Variants in INPP4B observed in about 807,000 individuals in gnomAD.
INPP4B encodes the protein inositol polyphosphate 4-phosphatase type II.
A neutral mutation model predicts 122.5 loss-of-function variants in INPP4B; 55 were observed. The observed-to-expected ratio is 0.45, with a 90% CI of 0.36 to 0.56. The LOEUF (loss-of-function observed/expected upper bound fraction) is 0.56. Among genes scored for constraint, INPP4B ranks in the 20% least tolerant of loss-of-function variants. The probability of loss-of-function intolerance (pLI) is 0.00; values close to 1 mark genes in which losing one functional copy is unlikely to be tolerated. For synonymous variants in INPP4B, 403 were observed against 388.7 expected, an observed-to-expected ratio of 1.04 and a Z score of -0.43; for missense variants, 1,000 against 1,097.7, an observed-to-expected ratio of 0.91 and a Z score of 1.26.
intron 7 of INPP4B, among the ~76,000 whole-genome samples, chr4:142,372,817 C>T (rs2148724089): frequency 6.6e-6 from 1 of 152,116 alleles, no homozygotes; most frequent in East Asian, 1.9e-4. Context: ...GCTCAGTCTT[C>T]TAGTACTGGA....
intron 7 of INPP4B, among the ~76,000 whole-genome samples, chr4:142,333,135 T>C (rs900819848): frequency 7.9e-5 from 12 of 151,602 alleles, no homozygotes; most frequent in African/African-American, 2.9e-4. Flanking sequence ...CGATCACAGG[T>C]GCTGAGCAGG....
At chr4:142,363,830 T>C (rs570341944) in intron 7 of INPP4B, among the ~76,000 whole-genome samples, 1 of 152,000 alleles carries the variant, frequency 6.6e-6, no homozygotes, top group South Asian at 2.1e-4. Flanking sequence ...GAAAGATAAG[T>C]AGGGGAAGGT....
chr4:142,157,905 A>C (rs967340341), intron 17 of INPP4B, among the ~76,000 whole-genome samples: 1 of 151,870 alleles, frequency 6.6e-6, no homozygotes. Flanking sequence ...GTTCTACTTT[A>C]TGGATAAAAG....
chr4:142,259,770 T>C lies in INPP4B; in HGVS notation c.688+722A>G, dbSNP rs201628280. 1.3e-4 allele frequency among the ~76,000 whole-genome samples: 20 copies of C among 152,200 alleles called. No individual in the cohort carries two copies. In the East Asian group the frequency reaches 3.9e-3, roughly 29 times the overall value. Reference sequence around the variant, plus strand: ...TTATTCTATAACTTTTTCTTATTTTTACTTTTTAAATTTTCTTTTTTTTTA... The same window carrying C: ...TTATTCTATAACTTTTTCTTATTTTCACTTTTTAAATTTTCTTTTTTTTTA... On this transcript the variant is annotated intron_variant, in intron 11 of 25. Coordinates refer to ENST00000262992, the MANE Select transcript of INPP4B (RefSeq NM_001101669.3).
chr4:142,108,388 A>G (rs1788247053), intron 22 of INPP4B, among the ~76,000 whole-genome samples, 198 bp from the exon 23 acceptor site: 1 of 143,172 alleles, frequency 7.0e-6, no homozygotes, highest in Non-Finnish European at 1.6e-5. Flanking sequence ...AATCGCTTCT[A>G]ACACCTCAAA....
rs77557602 is a variant in INPP4B at position 142,579,887 on chromosome 4, A to G, written c.-190-117161T>C. Among the ~76,000 whole-genome samples, 777 of 115,612 alleles carry G rather than the reference A, an allele frequency of 6.7e-3. 4 individuals are homozygous for G. Among genetic ancestry groups the G allele is most frequent in the South Asian group, 0.022 (77 of 3,506 alleles). The allele number at this position is 115,612 out of a possible 152,430, so 75.8% of individuals were successfully genotyped here. ...GATAGATAGATAGGTAGGTAGATAG[A>G]TAGATAGATAGATAGATAGATAGAT... On this transcript the variant is annotated intron_variant, in intron 2 of 25. Transcript: ENST00000262992.
intron 12 of INPP4B, among the ~76,000 whole-genome samples, chr4:142,236,035 C>A (rs1856566836): frequency 6.6e-6 from 1 of 152,154 alleles, no homozygotes; most frequent in Non-Finnish European, 1.5e-5. Context: ...AGGGTAAGCC[C>A]TAGTCCTAAA....
rs1309043820 is a variant in INPP4B at position 142,625,911 on chromosome 4, G to T, written c.-191+99928C>A. Among the ~76,000 whole-genome samples the T allele has an allele frequency of 6.6e-5, 10 of 152,270 alleles. No individual in the cohort carries two copies. The East Asian group carries it at 1.2e-3, about 18-fold the overall frequency. On this transcript the variant is annotated intron_variant, in intron 2 of 25. Coordinates refer to ENST00000262992, the MANE Select transcript of INPP4B (RefSeq NM_001101669.3). ...GATTCCCTACTTAATAAATGGTGCT[G>T]GGAGAACTGGCTAGCCATATGTAGA...
At chr4:142,059,539 AC>A (rs1759506493) in intron 25 of INPP4B, among the ~76,000 whole-genome samples, 1 of 152,178 alleles carries the variant, frequency 6.6e-6, no homozygotes, top group African/African-American at 2.4e-5. Context: ...AATGCAAAGC[AC>A]TGTGCTTGGT....
chr4:142,150,491 T>C (rs947474131), intron 17 of INPP4B, among the ~76,000 whole-genome samples: 3 of 152,198 alleles, frequency 2.0e-5, no homozygotes, highest in African/African-American at 7.2e-5. Flanking sequence ...CTTTATTCAA[T>C]GGAGCCAAAT....
chr4:142,610,192 T>A (rs1742175402), intron 2 of INPP4B, among the ~76,000 whole-genome samples: 1 of 152,092 alleles, frequency 6.6e-6, no homozygotes, highest in Non-Finnish European at 1.5e-5. Flanking sequence ...TCTCACGAGA[T>A]CTAATGGTTT....
chr4:142,666,313 A>C (rs903019454), intron 2 of INPP4B, among the ~76,000 whole-genome samples: 12 of 152,146 alleles, frequency 7.9e-5, no homozygotes, highest in African/African-American at 2.2e-4. Flanking sequence ...TTCATTTCAT[A>C]AAGTTTTAAA....
chr4:142,200,223 C>A (rs558778764), intron 14 of INPP4B, among the ~76,000 whole-genome samples: 1 of 151,798 alleles, frequency 6.6e-6, no homozygotes, highest in East Asian at 1.9e-4. Context: ...GTTTTGGGAG[C>A]GCCTTAAGGT....
At chr4:142,106,770 T>C (rs1787336658) in intron 23 of INPP4B, among the ~76,000 whole-genome samples, 1 of 152,140 alleles carries the variant, frequency 6.6e-6, no homozygotes, top group South Asian at 2.1e-4. Context: ...AGATTCACAG[T>C]GTGGCCTGCG....
intron 2 of INPP4B, among the ~76,000 whole-genome samples, chr4:142,636,548 A>C (rs1370020557): frequency 2.0e-5 from 3 of 152,116 alleles, no homozygotes; most frequent in Non-Finnish European, 4.4e-5. Context: ...CTAAATAAAT[A>C]GTGATTTATT....
chr4:142,575,982 A>T (rs1733740475), intron 2 of INPP4B, among the ~76,000 whole-genome samples: 1 of 152,020 alleles, frequency 6.6e-6, no homozygotes, highest in Non-Finnish European at 1.5e-5. Context: ...GCCCTTTCAT[A>T]GCTGTTACAA....
At chr4:142,501,004 G>A (rs1408820197) in intron 2 of INPP4B, among the ~76,000 whole-genome samples, 1 of 152,164 alleles carries the variant, frequency 6.6e-6, no homozygotes, top group South Asian at 2.1e-4. Flanking sequence ...TTAAACATTT[G>A]TTAAAAGAGT....
At chr4:142,091,705 G>T (rs1019201837) in intron 23 of INPP4B, among the ~76,000 whole-genome samples, 4 of 152,172 alleles carry the variant, frequency 2.6e-5, no homozygotes, top group African/African-American at 9.7e-5. Flanking sequence ...TCCTTGTTAG[G>T]TCAAATAGGT....
At chr4:142,035,424 A>T (rs958151970) in intron 25 of INPP4B, among the ~76,000 whole-genome samples, 103 of 152,236 alleles carry the variant, frequency 6.8e-4, no homozygotes, top group African/African-American at 2.4e-3. Context: ...TTTAAAATGT[A>T]TTTCTCTAGA....
Sources: allele counts gnomAD v4.1 joint callset (sites outside exome capture counted in the v4.1 genomes callset), GRCh38; gene constraint gnomAD v4.1.1; transcripts MANE v1.5; gene names NCBI Gene and HGNC (gene_info 2026-07-23, HGNC 2026-07-21).